Variants in MRC2 observed in about 807,000 individuals in gnomAD.
MRC2 encodes the protein mannose receptor C-type 2.
A neutral mutation model predicts 206.2 loss-of-function variants in MRC2; 84 were observed. That is an observed-to-expected ratio of 0.41 (90% confidence interval 0.34 to 0.49). MRC2 has a LOEUF of 0.49. Ranked by LOEUF, MRC2 falls within the 20% of genes least tolerant of loss-of-function variation. The pLI, the probability that MRC2 is intolerant of heterozygous loss-of-function variation, is 0.31. For missense variants in MRC2, 1,676 were observed against 2,001.5 expected (o/e 0.84, Z 3.10); for synonymous variants, 798 against 800.0 (o/e 1.00, Z 0.04).
chr17:62,674,706 G>C (rs1396956003), intron 9 of MRC2, among the ~76,000 whole-genome samples: 1 of 151,986 alleles, frequency 6.6e-6, no homozygotes, highest in Non-Finnish European at 1.5e-5. Flanking sequence ...GGTTGAGGGG[G>C]GGGGTGTCAA....
intron 11 of MRC2, 109 bp downstream of exon 11, chr17:62,676,640 A>C: frequency 7.3e-7 from 1 of 1,366,878 alleles, no homozygotes; most frequent in Admixed American, 2.4e-5. Flanking sequence ...TCATTGGTGC[A>C]CTGTGGTGTA....
rs771574033 is a variant in MRC2, at chr17:62,689,865, C to T, written c.3574-29C>T. 13 of 1,568,702 alleles carry T rather than the reference C, an allele frequency of 8.3e-6. No homozygotes were observed. The East Asian group carries it at 1.9e-4, about 22-fold the overall frequency. ...CGCACCCTATCCTGACTATTCCCTT[C>T]CTCCCACCCCATGGCCCCCCATGCC... On this transcript the variant is annotated intron_variant, in intron 24 of 29. Coordinates refer to ENST00000303375, the MANE Select transcript of MRC2 (RefSeq NM_006039.5).
At chr17:62,688,430 A>G (rs1238961897) in intron 21 of MRC2, 27 bp downstream of exon 21, 2 of 1,614,104 alleles carry the variant, frequency 1.2e-6, no homozygotes, top group Admixed American at 3.3e-5. Context: ...GGGAGCCCCC[A>G]GTATCCTCTG....
In MRC2 at chr17:62,666,918, C is replaced by T. The variant is rs2088764418; in HGVS notation, c.973+48C>T. 2 of 1,449,526 alleles carry T rather than the reference C, an allele frequency of 1.4e-6. No individual in the cohort carries two copies. The highest frequency in any genetic ancestry group is 1.7e-5 in the Admixed American group (1 of 58,108). 89.8% of individuals were successfully genotyped at this position (1,449,526 alleles called of 1,614,324 possible). A position where few individuals can be genotyped will look rare whatever the true frequency, so the allele number is the denominator to read the frequency against. On this transcript the variant is annotated intron_variant, in intron 5 of 29. Transcript: ENST00000303375. The surrounding 1 kb of genome is among the most constrained non-coding windows in gnomAD (Gnocchi z 5.0). ...CAGGGCAGCATAGGGGCCCCGCGGG[C>T]TCTTGGCCTCCCATGGACTCCTCTC...
At chr17:62,668,832 G>T (rs866994785) in intron 6 of MRC2, among the ~76,000 whole-genome samples, 1 of 152,156 alleles carries the variant, frequency 6.6e-6, no homozygotes, top group Admixed American at 6.5e-5. Flanking sequence ...CTGCTTTAGG[G>T]ATTCTGCCCC....
Position 62,667,120 on chromosome 17 carries a change from G to A in MRC2, c.973+250G>A, listed in dbSNP as rs1568061779. ...CTCTTCAGCCACCCCTGTGGGCAGCGGGCACCAGCGCACCCAGCAGCCTGG... is the reference window on the plus strand; with the variant it reads ...CTCTTCAGCCACCCCTGTGGGCAGCAGGCACCAGCGCACCCAGCAGCCTGG... On this transcript the variant is annotated intron_variant, in intron 5 of 29. Transcript: ENST00000303375. The surrounding 1 kb of genome is among the most constrained non-coding windows in gnomAD (Gnocchi z 4.1). 6.6e-6 allele frequency among the ~76,000 whole-genome samples: 1 copy of A among 152,098 alleles called. No individual in the cohort carries two copies. The highest frequency in any genetic ancestry group is 2.4e-5 in the African/African-American group (1 of 41,432).
chr17:62,631,209 T>A (rs2084213096), intron 1 of MRC2, among the ~76,000 whole-genome samples: 2 of 152,152 alleles, frequency 1.3e-5, no homozygotes, highest in South Asian at 4.1e-4. Flanking sequence ...GGAGGAGTCC[T>A]GTTGCACTGT....
At chr17:62,636,731 C>G (rs576143215) in intron 1 of MRC2, among the ~76,000 whole-genome samples, 1 of 152,156 alleles carries the variant, frequency 6.6e-6, no homozygotes, top group South Asian at 2.1e-4. Flanking sequence ...CTCAGCCTCC[C>G]AAGTGCTGCG....
intron 1 of MRC2, among the ~76,000 whole-genome samples, chr17:62,643,810 G>A (rs532275344): frequency 1.3e-5 from 2 of 151,944 alleles, no homozygotes; most frequent in South Asian, 2.1e-4. Flanking sequence ...GAAATGAAAC[G>A]TGATATTATA....
Position 62,676,428 on chromosome 17 carries a change from C to T in MRC2, c.1731C>T (p.Gly577=), listed in dbSNP as rs145896776. Residue 577 remains glycine (G), a synonymous_variant, in exon 11 of 30, where the codon GGC becomes GGT. Coordinates refer to ENST00000303375, the MANE Select transcript of MRC2 (RefSeq NM_006039.5). The part of the protein sequence containing the change: ...FVSSLIYNWE[G]EYFWTALQDL... ...GCAGCCTCATCTACAACTGGGAGGG[C>T]GAGTACTTCTGGACGGCCCTGCAGG... 6.3e-4 allele frequency: 1,014 copies of T among 1,614,040 alleles called. 11 individuals are homozygous for T. In the Middle Eastern group the frequency reaches 6.4e-3, roughly 10 times the overall value.
intron 18 of MRC2, 45 bp downstream of exon 18, chr17:62,681,174 C>T (rs1419419656): frequency 3.8e-6 from 6 of 1,598,272 alleles, no homozygotes; most frequent in Non-Finnish European, 5.1e-6. Context: ...GGCTGGCTGT[C>T]CACACACGGA....
intron 1 of MRC2, among the ~76,000 whole-genome samples, chr17:62,645,312 G>C (rs1044840801): frequency 1.3e-5 from 2 of 151,680 alleles, no homozygotes; most frequent in African/African-American, 2.4e-5. Flanking sequence ...AATTGAGCCT[G>C]AGAGGCTAAG....
At chr17:62,659,195 A>G (rs548116441) in intron 1 of MRC2, among the ~76,000 whole-genome samples, 1 of 152,172 alleles carries the variant, frequency 6.6e-6, no homozygotes, top group African/African-American at 2.4e-5. Context: ...CTAATGACCT[A>G]AGCACCTCCC....
intron 1 of MRC2, among the ~76,000 whole-genome samples, chr17:62,637,972 C>G (rs2088346208): frequency 6.6e-6 from 1 of 152,164 alleles, no homozygotes; most frequent in Non-Finnish European, 1.5e-5. Context: ...TCAGGCGATT[C>G]TTCTGCCTTA....
chr17:62,660,227 A>G (rs941935852), intron 1 of MRC2, among the ~76,000 whole-genome samples: 1 of 152,228 alleles, frequency 6.6e-6, no homozygotes, highest in African/African-American at 2.4e-5. Flanking sequence ...TTTTCCCTGA[A>G]CACACTACCT....
intron 20 of MRC2, 124 bp downstream of exon 20, chr17:62,682,501 C>A: frequency 8.7e-7 from 1 of 1,153,750 alleles, no homozygotes; most frequent in Non-Finnish European, 1.2e-6. Context: ...CTGTACCCAC[C>A]AACTTCTCTT....
At chr17:62,651,373 C>T (rs1007470500) in intron 1 of MRC2, among the ~76,000 whole-genome samples, 5 of 152,122 alleles carry the variant, frequency 3.3e-5, no homozygotes, top group Non-Finnish European at 5.9e-5. Context: ...TGAGCCACTG[C>T]GCCCGGCCGA....
intron 8 of MRC2, among the ~76,000 whole-genome samples, chr17:62,673,081 C>T (rs1474385952): frequency 6.6e-6 from 1 of 152,240 alleles, no homozygotes; most frequent in South Asian, 2.1e-4. Context: ...CTGTCACATA[C>T]TGCAAACAGT....
intron 27 of MRC2, 41 bp downstream of exon 27, chr17:62,690,802 G>A: frequency 1.3e-6 from 2 of 1,542,822 alleles, no homozygotes; most frequent in Non-Finnish European, 1.7e-6. Flanking sequence ...CAAGCCTCAG[G>A]CTGTAAGGGG....
Sources: gnomAD v4.1 joint callset for allele counts (sites outside exome capture counted in the v4.1 genomes callset) on GRCh38, gnomAD v4.1.1 for gene constraint, Gnocchi (gnomAD v3.1) non-coding constraint, MANE v1.5 for transcripts, NCBI Gene and HGNC (gene_info 2026-07-23, HGNC 2026-07-21) for gene names.